The following DZIP3 variants were observed in gnomAD, a reference collection of about 807,000 sequenced individuals.
DZIP3 encodes E3 ubiquitin-protein ligase DZIP3.
DZIP3 carries 118 observed loss-of-function variants against 162.0 expected under a neutral mutation model. That is an observed-to-expected ratio of 0.73 (90% CI 0.63 to 0.85). The LOEUF (loss-of-function observed/expected upper bound fraction) is 0.85, where lower values mean the gene tolerates loss of function less well. DZIP3 is among the 40% of genes least tolerant of loss of function. The probability of loss-of-function intolerance (pLI) is 0.00; values close to 1 mark genes in which losing one functional copy is unlikely to be tolerated. For synonymous variants in DZIP3, 438 were observed against 458.6 expected, an observed-to-expected ratio of 0.96 and a Z score of 0.57; for missense variants, 1,331 against 1,407.0, an observed-to-expected ratio of 0.95 and a Z score of 0.86.
intron 1 of DZIP3, among the ~76,000 whole-genome samples, chr3:108,602,675 T>C (rs1219022011): frequency 1.3e-5 from 2 of 152,222 alleles, no homozygotes; most frequent in African/African-American, 4.8e-5. Context: ...TTTCCTCTTC[T>C]AGAATGGTAA....
chr3:108,653,262 T>G (rs1221566017), intron 18 of DZIP3, among the ~76,000 whole-genome samples: 1 of 151,668 alleles, frequency 6.6e-6, no homozygotes, highest in Non-Finnish European at 1.5e-5. Flanking sequence ...CAAGCATTAA[T>G]TTCATTTTTT....
chr3:108,647,876 T>G (rs1029227389), intron 15 of DZIP3, 67 bp from the exon 16 acceptor site: 1 of 1,345,906 alleles, frequency 7.4e-7, no homozygotes, highest in Non-Finnish European at 1.0e-6. Context: ...GGGCAAACAT[T>G]ATAACATTGA....
intron 7 of DZIP3, among the ~76,000 whole-genome samples, 181 bp downstream of exon 7, chr3:108,626,150 T>C (rs1941580701): frequency 2.0e-5 from 3 of 152,238 alleles, no homozygotes; most frequent in Non-Finnish European, 4.4e-5. Flanking sequence ...AATAGCAAAC[T>C]TAACAGGCCA....
At chr3:108,589,896 G>A (rs1238212879) in intron 1 of DZIP3, 57 bp downstream of exon 1, 2 of 152,526 alleles carry the variant, frequency 1.3e-5, no homozygotes, top group Non-Finnish European at 2.9e-5. Context: ...GGCCTGGGAG[G>A]GGCCTCGTTT....
chr3:108,631,055 A>ACACACACACAGACACTCTCTCT, intron 8 of DZIP3, among the ~76,000 whole-genome samples: 4 of 18,014 alleles, frequency 2.2e-4, no homozygotes, highest in Admixed American at 1.7e-3. Context: ...ACACACACAC[A>ACACACACACAGACACTCTCTCT]CTCTCTCTCT....
Position 108,644,624 on chromosome 3 carries a change from A to G in DZIP3, c.1602A>G (p.Ser534=). 6.2e-7 allele frequency: 1 copy of G among 1,614,094 alleles called. No individual in the cohort carries two copies. Among genetic ancestry groups the G allele is most frequent in the Non-Finnish European group, 8.5e-7 (1 of 1,179,962 alleles). ...TCAATTCAATTTGGAAAAAAGTTTC[A>G]GATATTCTTCTGCGCCTTGGGATGA... ...SQFNSIWKKV[S]DILLRLGMMQ... is the part of the protein sequence containing the mutation. The change falls in exon 14 of 33, where the codon TCA becomes TCG. Residue 534 remains serine (S), a synonymous_variant. Transcript: ENST00000361582.
intron 1 of DZIP3, among the ~76,000 whole-genome samples, chr3:108,604,294 T>G (rs1338344262): frequency 2.6e-5 from 4 of 152,162 alleles, no homozygotes; most frequent in African/African-American, 9.6e-5. Flanking sequence ...CTACGTCCAT[T>G]TTATTTATGC....
chr3:108,657,595 A>C (rs894346216), intron 19 of DZIP3, among the ~76,000 whole-genome samples: 2 of 152,194 alleles, frequency 1.3e-5, no homozygotes, highest in Non-Finnish European at 2.9e-5. Flanking sequence ...CGAGCAAAAT[A>C]ACCAGCTAAC....
At chr3:108,594,297 T>A (rs538949217) in intron 1 of DZIP3, among the ~76,000 whole-genome samples, 2 of 152,202 alleles carry the variant, frequency 1.3e-5, no homozygotes, top group South Asian at 4.1e-4. Context: ...TCCGTATACA[T>A]TCATCTTTTA....
In DZIP3 at chr3:108,617,637, C is replaced by T. The variant is rs183844522; in HGVS notation, c.375+980C>T. On this transcript the variant is annotated intron_variant, in intron 5 of 32. Transcript: ENST00000361582. Reference sequence around the variant, plus strand: ...CATATTATAATGATGTACAAAGAGACGGAAAAATAATACTTATTTAGGATT... The same window carrying T: ...CATATTATAATGATGTACAAAGAGATGGAAAAATAATACTTATTTAGGATT... 1.6e-3 allele frequency among the ~76,000 whole-genome samples: 236 copies of T among 152,186 alleles called. 1 individual carries two copies. Among genetic ancestry groups the T allele is most frequent in the Non-Finnish European group, 1.5e-3 (103 of 68,006 alleles).
At chr3:108,595,304 T>C (rs1165629260) in intron 1 of DZIP3, among the ~76,000 whole-genome samples, 1 of 152,148 alleles carries the variant, frequency 6.6e-6, no homozygotes, top group Non-Finnish European at 1.5e-5. Flanking sequence ...TTGCAGCCTC[T>C]AGCTCCTGGG....
At position 108,661,970 on chromosome 3, in the gene DZIP3, GAAGT is replaced by G. The variant is rs750754951; in HGVS notation, c.2295+4_2295+7del. 41 of 1,613,042 alleles carry G rather than the reference GAAGT, an allele frequency of 2.5e-5. No homozygotes were observed. The highest frequency in any genetic ancestry group is 3.2e-5 in the Non-Finnish European group (38 of 1,179,452). ...GCTTTATAAATTGCACTATCAGTGT[GAAGT>G]AAGTATTTTTGCCATTAGATCTGAT... On this transcript the variant is annotated splice_donor_variant and coding_sequence_variant, in exon 20 of 33. Coordinates refer to ENST00000361582, the MANE Select transcript of DZIP3 (RefSeq NM_014648.4). LOFTEE classifies it high-confidence loss of function.
chr3:108,673,974 A>T, intron 23 of DZIP3, 104 bp from the exon 24 acceptor site: 1 of 907,188 alleles, frequency 1.1e-6, no homozygotes, highest in South Asian at 1.5e-5. Flanking sequence ...TGCTATTGGA[A>T]GAAATTGAGA....
At chr3:108,601,798 G>A (rs1479313472) in intron 1 of DZIP3, among the ~76,000 whole-genome samples, 1 of 152,076 alleles carries the variant, frequency 6.6e-6, no homozygotes, top group Admixed American at 6.6e-5. Flanking sequence ...CTCAGGAAAC[G>A]ACCTTTAGGC....
intron 12 of DZIP3, 24 bp downstream of exon 12, chr3:108,637,572 G>GGATAGAAGTCTA: frequency 6.3e-7 from 1 of 1,593,128 alleles, no homozygotes; most frequent in East Asian, 2.3e-5. Context: ...AAAATACTCT[G>GGATAGAAGTCTA]TTACCTTTTT....
At chr3:108,610,689 CTT>C (rs1404766493) in intron 3 of DZIP3, among the ~76,000 whole-genome samples, 1 of 152,202 alleles carries the variant, frequency 6.6e-6, no homozygotes, top group East Asian at 1.9e-4. Flanking sequence ...TCCACTAGTT[CTT>C]CACAACTAAT....
At chr3:108,602,389 A>G (rs1940069625) in intron 1 of DZIP3, among the ~76,000 whole-genome samples, 1 of 152,132 alleles carries the variant, frequency 6.6e-6, no homozygotes. Context: ...GGATGGTATT[A>G]CCTTATTTTT....
chr3:108,620,474 C>T (rs1941274120), intron 5 of DZIP3, among the ~76,000 whole-genome samples: 1 of 152,204 alleles, frequency 6.6e-6, no homozygotes, highest in Admixed American at 6.5e-5. Context: ...AGCCTCAGGC[C>T]AGCTAGGTTA....
At chr3:108,635,657 T>C (rs1447433063) in intron 10 of DZIP3, among the ~76,000 whole-genome samples, 1 of 147,348 alleles carries the variant, frequency 6.8e-6, no homozygotes, top group East Asian at 1.9e-4. Flanking sequence ...ATTATAATAT[T>C]ATAAATATTA....
Sources: gnomAD v4.1 joint callset for allele counts (sites outside exome capture counted in the v4.1 genomes callset) on GRCh38, gnomAD v4.1.1 for gene constraint, MANE v1.5 for transcripts, NCBI Gene and HGNC (gene_info 2026-07-23, HGNC 2026-07-21) for gene names.